WDR41: variants seen among roughly 807,000 people sequenced by gnomAD.
WDR41 encodes WD repeat-containing protein 41.
In WDR41, 63 loss-of-function variants were observed where a neutral mutation model predicts 69.3. The ratio of observed to expected loss-of-function variants is 0.91; its 90% CI spans 0.74 to 1.12. WDR41 has a LOEUF of 1.12. Ranked by LOEUF, WDR41 falls within the 50% of genes most tolerant of loss-of-function variation. The pLI is 0.00. For missense variants in WDR41, 543 were observed against 534.5 expected (o/e 1.02, Z -0.16); for synonymous variants, 185 against 192.1 (o/e 0.96, Z 0.31).
Position 77,432,946 on chromosome 5 carries a change from AG to A in WDR41, c.*188del. On this transcript the variant is annotated 3_prime_UTR_variant, in exon 13 of 13. Coordinates refer to ENST00000296679, the MANE Select transcript of WDR41 (RefSeq NM_018268.4). The stretch of plus-strand genomic sequence containing the variant: ...GAAAAACTTGTGGTATATTCTTTGG[AG>A]GATATACTAGGACCTGAGAAGCAAC... 1 of 545,596 alleles carries A rather than the reference AG, an allele frequency of 1.8e-6. No homozygotes were observed. The highest frequency in any genetic ancestry group is 3.1e-6 in the Non-Finnish European group (1 of 319,828). The allele number at this position is 545,596 out of a possible 1,614,324, so 33.8% of individuals were successfully genotyped here.
intron 1 of WDR41, among the ~76,000 whole-genome samples, chr5:77,585,001 C>T (rs1744012398): frequency 6.6e-6 from 1 of 151,998 alleles, no homozygotes; most frequent in Non-Finnish European, 1.5e-5. Flanking sequence ...AGAGCTTTTG[C>T]ACAGCAAAAG....
At chr5:77,511,099 C>G (rs931164712) in intron 1 of WDR41, among the ~76,000 whole-genome samples, 2 of 152,088 alleles carry the variant, frequency 1.3e-5, no homozygotes, top group Non-Finnish European at 2.9e-5. Context: ...AAAACTATGT[C>G]CCTATAAATA....
At chr5:77,506,473 G>A (rs1440647340) in intron 1 of WDR41, among the ~76,000 whole-genome samples, 3 of 152,232 alleles carry the variant, frequency 2.0e-5, no homozygotes, top group African/African-American at 7.2e-5. Flanking sequence ...GTGGAAGACA[G>A]TGTGGCGATT....
At chr5:77,454,517 T>C (rs1799752020) in intron 5 of WDR41, among the ~76,000 whole-genome samples, 2 of 152,258 alleles carry the variant, frequency 1.3e-5, no homozygotes, top group Non-Finnish European at 1.5e-5. Flanking sequence ...TTAAATCAAA[T>C]TGAAACTATG....
chr5:77,536,725 A>G (rs1317259269), intron 1 of WDR41, among the ~76,000 whole-genome samples: 1 of 152,176 alleles, frequency 6.6e-6, no homozygotes, highest in East Asian at 1.9e-4. Context: ...CTTGCTGTAC[A>G]GGTGTGTAGC....
At chr5:77,515,252 T>C (rs1415677169) in intron 1 of WDR41, among the ~76,000 whole-genome samples, 2 of 152,168 alleles carry the variant, frequency 1.3e-5, no homozygotes, top group African/African-American at 4.8e-5. Flanking sequence ...GTTTTCTATT[T>C]TTATTGTTTT....
At chr5:77,616,520 A>T (rs971514186) in intron 1 of WDR41, among the ~76,000 whole-genome samples, 1 of 152,220 alleles carries the variant, frequency 6.6e-6, no homozygotes, top group Non-Finnish European at 1.5e-5. Context: ...CAGATCAGGC[A>T]CTGGACAAGC....
intron 1 of WDR41, among the ~76,000 whole-genome samples, chr5:77,566,661 G>T (rs958834419): frequency 6.6e-6 from 1 of 152,128 alleles, no homozygotes; most frequent in Admixed American, 6.6e-5. Flanking sequence ...TGTGGTGGGG[G>T]GCAGAGGGAT....
At chr5:77,458,975 A>C in intron 5 of WDR41, 87 bp downstream of exon 5, 1 of 964,036 alleles carries the variant, frequency 1.0e-6, no homozygotes, top group East Asian at 2.5e-5. Context: ...TAAGACCCAC[A>C]AAAGTAATTT....
chr5:77,506,241 A>T (rs1189113770), intron 1 of WDR41, among the ~76,000 whole-genome samples: 3 of 152,220 alleles, frequency 2.0e-5, no homozygotes. Context: ...ATGAACAGAC[A>T]CTTCTCAAAA....
chr5:77,490,731 T>C (rs565460585), intron 1 of WDR41, among the ~76,000 whole-genome samples: 1 of 152,312 alleles, frequency 6.6e-6, no homozygotes, highest in South Asian at 2.1e-4. Flanking sequence ...GGAGACCTGG[T>C]TAAGCAAATA....
intron 1 of WDR41, among the ~76,000 whole-genome samples, chr5:77,539,221 T>C (rs1743044316): frequency 6.6e-6 from 1 of 152,168 alleles, no homozygotes; most frequent in Admixed American, 6.5e-5. Context: ...CATCAGAATT[T>C]TGGGTAGATA....
chr5:77,492,518 G>A, upstream of WDR41: 1 of 368,038 alleles, frequency 2.7e-6, no homozygotes, highest in Non-Finnish European at 4.8e-6. Context: ...GAGCACGCGC[G>A]GGAGCGCCGC....
rs367764659 is a variant in WDR41 at position 77,449,869 on chromosome 5, T to C, written c.588A>G (p.Ile196Met). ...CTGTGGGTGCTACCAACCTGAAAAT[T>C]ACTAAATGAAAAAGACAGATAAAAT... ...CVVAAVGKEL[I>M]IFRLVAPTEG... is the part of the protein sequence containing the mutation. Residue 196 changes from isoleucine (I) to methionine (M), a missense_variant and splice_region_variant, in exon 8 of 13, where the codon ATA (isoleucine) becomes ATG (methionine). Physicochemically the swap from Ile to Met is conservative, Grantham distance 10 (BLOSUM62 1). Coordinates refer to ENST00000296679, the MANE Select transcript of WDR41 (RefSeq NM_018268.4). 1 of 1,602,042 alleles carries C rather than the reference T, an allele frequency of 6.2e-7. No homozygotes were observed. The highest frequency in any genetic ancestry group is 8.5e-7 in the Non-Finnish European group (1 of 1,170,054).
chr5:77,474,786 A>T (rs574638207), intron 2 of WDR41, among the ~76,000 whole-genome samples: 3 of 152,182 alleles, frequency 2.0e-5, no homozygotes, highest in Non-Finnish European at 4.4e-5. Flanking sequence ...GCTAAACTAC[A>T]CATCAAGATT....
chr5:77,472,776 C>G (rs1403543082), intron 2 of WDR41, among the ~76,000 whole-genome samples: 1 of 151,852 alleles, frequency 6.6e-6, no homozygotes, highest in Non-Finnish European at 1.5e-5. Flanking sequence ...AAAGAGGATA[C>G]AAACAAATGG....
intron 5 of WDR41, among the ~76,000 whole-genome samples, chr5:77,457,682 C>A (rs898776498): frequency 6.8e-6 from 1 of 146,818 alleles, no homozygotes. Context: ...TAACATCAAC[C>A]CTTATAAAAA....
chr5:77,618,768 G>C (rs1282430545), intron 1 of WDR41, among the ~76,000 whole-genome samples: 16 of 152,180 alleles, frequency 1.1e-4, no homozygotes, highest in Admixed American at 1.0e-3. Context: ...GACCAGAAAA[G>C]CTATCTTTGA....
chr5:77,602,932 T>A, intron 1 of WDR41, among the ~76,000 whole-genome samples: 1 of 148,974 alleles, frequency 6.7e-6, no homozygotes, highest in Non-Finnish European at 1.5e-5. Context: ...CATCTGTTAT[T>A]TTTTTGTCTT....
Sources: allele counts gnomAD v4.1 joint callset (sites outside exome capture counted in the v4.1 genomes callset), GRCh38; gene constraint gnomAD v4.1.1; transcripts MANE v1.5; gene names NCBI Gene and HGNC (gene_info 2026-07-23, HGNC 2026-07-21).